CFAP58: variants seen among roughly 807,000 people sequenced by gnomAD.
CFAP58 encodes cilia and flagella associated protein 58, also known as cilia- and flagella-associated protein 58.
CFAP58 carries 88 observed loss-of-function variants against 119.5 expected under a neutral mutation model. The ratio of observed to expected loss-of-function variants is 0.74; its 90% CI spans 0.62 to 0.88. The LOEUF is 0.88. Among genes scored for constraint, CFAP58 ranks in the 40% least tolerant of loss-of-function variants. CFAP58 has a pLI of 0.00. For synonymous variants in CFAP58, 365 were observed against 366.3 expected (o/e 1.00, Z 0.04); for missense variants, 990 against 1,021.2 (o/e 0.97, Z 0.42).
chr10:104,448,601 C>G (rs1345836115), intron 16 of CFAP58, among the ~76,000 whole-genome samples: 7 of 152,196 alleles, frequency 4.6e-5, no homozygotes, highest in Admixed American at 3.3e-4. Context: ...TAATCGTTGA[C>G]TTTCTGCCTG....
In CFAP58 at chr10:104,454,341, T is replaced by TAACA; in HGVS notation, c.2511-80_2511-77dup. Reference sequence around the variant, plus strand: ...TGTAATCAAAGTAGTTTTCAGTGGCTAACACACCCTAGGATTATCAAATGT... The same window carrying TAACA: ...TGTAATCAAAGTAGTTTTCAGTGGCTAACAAACACACCCTAGGATTATCAAATGT... On this transcript the variant is annotated intron_variant, in intron 17 of 17. Transcript: ENST00000369704. The TAACA allele has an allele frequency of 2.7e-6, 3 of 1,110,640 alleles. No individual in the cohort carries two copies. In the South Asian group the frequency reaches 3.9e-5, roughly 14 times the overall value. 68.8% of individuals were successfully genotyped at this position (1,110,640 alleles called of 1,614,324 possible).
At chr10:104,410,367 A>C (rs188542422) in intron 15 of CFAP58, among the ~76,000 whole-genome samples, 145 of 152,308 alleles carry the variant, frequency 9.5e-4, no homozygotes, top group Non-Finnish European at 1.6e-3. Flanking sequence ...CATATCTCCA[A>C]TTCCTTACTT....
chr10:104,374,922 C>T (rs2014872196), intron 7 of CFAP58, among the ~76,000 whole-genome samples: 1 of 149,998 alleles, frequency 6.7e-6, no homozygotes, highest in South Asian at 2.1e-4. Flanking sequence ...TGTATTTTCA[C>T]ACAGTGAAAA....
intron 9 of CFAP58, among the ~76,000 whole-genome samples, chr10:104,387,299 G>A (rs1024198262): frequency 1.3e-5 from 2 of 152,212 alleles, no homozygotes; most frequent in East Asian, 3.8e-4. Flanking sequence ...CTGGGATGTG[G>A]ATTGGGCTCA....
intron 13 of CFAP58, among the ~76,000 whole-genome samples, chr10:104,402,764 G>A (rs558327362): frequency 4.0e-4 from 61 of 152,266 alleles, no homozygotes; most frequent in South Asian, 6.2e-4. Flanking sequence ...TTCTCAATCC[G>A]GACTGCATGT....
At chr10:104,409,488 CTGTT>C (rs147992939) in intron 15 of CFAP58, among the ~76,000 whole-genome samples, 526 of 152,228 alleles carry the variant, frequency 3.5e-3, no homozygotes, top group Non-Finnish European at 5.4e-3. Flanking sequence ...TCAGTGTTCT[CTGTT>C]TGTTCGTTAG....
intron 16 of CFAP58, 80 bp from the exon 17 acceptor site, chr10:104,449,991 G>A (rs1038274563): frequency 1.2e-5 from 17 of 1,391,608 alleles, no homozygotes; most frequent in African/African-American, 1.2e-4. Context: ...GCTCCACTGC[G>A]GTAAATGGTA....
intron 15 of CFAP58, among the ~76,000 whole-genome samples, chr10:104,427,465 C>T (rs976828076): frequency 1.3e-5 from 2 of 151,956 alleles, no homozygotes; most frequent in Admixed American, 6.5e-5. Context: ...TTGTCTCATT[C>T]GGTCTTCCAA....
At chr10:104,450,316 G>C in intron 17 of CFAP58, 112 bp downstream of exon 17, 3 of 1,115,952 alleles carry the variant, frequency 2.7e-6, no homozygotes, top group Non-Finnish European at 4.0e-6. Context: ...CTAAATCACA[G>C]GGTAAACAAA....
At chr10:104,347,762 A>T in the CFAP58 span, among the ~76,000 whole-genome samples, 1 of 152,036 alleles carries the variant, frequency 6.6e-6, no homozygotes, top group African/African-American at 2.4e-5. Context: ...TGTTAGGAGG[A>T]TACAAAGTAT....
chr10:104,452,243 C>T (rs962238325), intron 17 of CFAP58, among the ~76,000 whole-genome samples: 1 of 151,106 alleles, frequency 6.6e-6, no homozygotes, highest in African/African-American at 2.4e-5. Flanking sequence ...TTAATAGATA[C>T]ATAAAATAGT....
intron 8 of CFAP58, 134 bp from the exon 9 acceptor site, chr10:104,379,895 T>C: frequency 3.6e-6 from 3 of 822,778 alleles, no homozygotes; most frequent in Non-Finnish European, 5.9e-6. Context: ...TAATAAGCTG[T>C]AGAGAATATG....
chr10:104,379,050 C>A (rs2011728064), intron 8 of CFAP58, among the ~76,000 whole-genome samples: 1 of 152,092 alleles, frequency 6.6e-6, no homozygotes, highest in African/African-American at 2.4e-5. Context: ...ACACACAACA[C>A]AAAATTTACT....
chr10:104,398,963 G>T (rs1161697798), intron 11 of CFAP58, among the ~76,000 whole-genome samples: 1 of 152,070 alleles, frequency 6.6e-6, no homozygotes. Flanking sequence ...ACAGGAGCTG[G>T]TACACACAGA....
chr10:104,366,734 A>G (rs2014756481), intron 5 of CFAP58, among the ~76,000 whole-genome samples: 1 of 152,246 alleles, frequency 6.6e-6, no homozygotes, highest in African/African-American at 2.4e-5. Context: ...ACAGACAGAG[A>G]ACATTTACAT....
chr10:104,372,277 T>G (rs1030396158), intron 7 of CFAP58, among the ~76,000 whole-genome samples: 2 of 152,006 alleles, frequency 1.3e-5, no homozygotes, highest in Non-Finnish European at 2.9e-5. Flanking sequence ...CGCTTGAACC[T>G]GGGAGGTGGA....
At chr10:104,362,323 G>T in intron 3 of CFAP58, 152 bp downstream of exon 3, 1 of 664,848 alleles carries the variant, frequency 1.5e-6, no homozygotes, top group South Asian at 2.5e-5. Flanking sequence ...TCTGTCTGTT[G>T]CATTTTAAGT....
chr10:104,429,729 T>C (rs2012812402), intron 15 of CFAP58, among the ~76,000 whole-genome samples: 1 of 152,204 alleles, frequency 6.6e-6, no homozygotes, highest in Non-Finnish European at 1.5e-5. Context: ...TCCCTCACTT[T>C]TATTTTTATA....
chr10:104,429,708 C>T (rs374226323), intron 15 of CFAP58, among the ~76,000 whole-genome samples: 5 of 152,134 alleles, frequency 3.3e-5, no homozygotes, highest in African/African-American at 9.7e-5. Context: ...TCAAGGTACA[C>T]GTTTATACCA....
Sources: gnomAD v4.1 joint callset for allele counts (sites outside exome capture counted in the v4.1 genomes callset) on GRCh38, gnomAD v4.1.1 for gene constraint, MANE v1.5 for transcripts, NCBI Gene and HGNC (gene_info 2026-07-23, HGNC 2026-07-21) for gene names.